CTNNA2: variants seen among roughly 807,000 people sequenced by gnomAD.
The protein encoded by CTNNA2 is catenin alpha-2.
CTNNA2 carries 42 observed loss-of-function variants against 101.0 expected under a neutral mutation model. The observed-to-expected ratio is 0.42, with a 90% CI of 0.32 to 0.54. CTNNA2 has a LOEUF of 0.54. CTNNA2 is among the 20% of genes least tolerant of loss of function. The pLI is 0.14. For synonymous variants in CTNNA2, 450 were observed against 456.4 expected (o/e 0.99, Z 0.18); for missense variants, 871 against 1,223.1 (o/e 0.71, Z 4.29).
At chr2:79,759,796 C>T (rs980502261) in intron 3 of CTNNA2, among the ~76,000 whole-genome samples, 1 of 152,172 alleles carries the variant, frequency 6.6e-6, no homozygotes, top group African/African-American at 2.4e-5. Context: ...CTTCTGGGCC[C>T]AAGCCATAGA....
chr2:80,187,648 T>C (rs1706216815), intron 7 of CTNNA2, among the ~76,000 whole-genome samples: 1 of 152,036 alleles, frequency 6.6e-6, no homozygotes, highest in Non-Finnish European at 1.5e-5. Flanking sequence ...GGGCAGAGAA[T>C]AGGCAGAAAA....
At chr2:80,394,799 T>C (rs1305843305) in intron 8 of CTNNA2, among the ~76,000 whole-genome samples, 2 of 151,914 alleles carry the variant, frequency 1.3e-5, no homozygotes, top group African/African-American at 2.4e-5. Flanking sequence ...ATTGTGTGAG[T>C]CTAAGGGATA....
intron 1 of CTNNA2, among the ~76,000 whole-genome samples, chr2:79,592,379 G>A (rs557463013): frequency 3.3e-5 from 5 of 151,792 alleles, no homozygotes; most frequent in Non-Finnish European, 5.9e-5. Flanking sequence ...TGATCCACCC[G>A]CCTTGGCCTC....
intron 7 of CTNNA2, among the ~76,000 whole-genome samples, chr2:80,016,574 A>G (rs1694166941): frequency 6.6e-6 from 1 of 152,252 alleles, no homozygotes; most frequent in South Asian, 2.1e-4. Flanking sequence ...ACCATGAGGA[A>G]TAAATACAGA....
intron 2 of CTNNA2, among the ~76,000 whole-genome samples, chr2:79,676,883 G>T (rs1388748511): frequency 6.6e-6 from 1 of 152,114 alleles, no homozygotes; most frequent in African/African-American, 2.4e-5. Context: ...CTAGAGCTTT[G>T]CTTAGAAAAG....
rs141890285 is a variant in CTNNA2 at position 79,309,289 on chromosome 2, C to A, written c.-405-3420C>A. 1.8e-4 allele frequency among the ~76,000 whole-genome samples: 27 copies of A among 152,220 alleles called. 1 individual carries two copies. In the East Asian group the frequency reaches 5.2e-3, roughly 29 times the overall value. On this transcript the variant is annotated intron_variant, in intron 2 of 21. Coordinates refer to the CTNNA2 transcript ENST00000466387. ...GAGTTGTACTACATATTTGGATTAACTTGGGAAGAACTGATAGATTTTTAA... is the reference window on the plus strand; with the variant it reads ...GAGTTGTACTACATATTTGGATTAAATTGGGAAGAACTGATAGATTTTTAA...
At chr2:80,646,050 A>G (rs945224812) in intron 18 of CTNNA2, among the ~76,000 whole-genome samples, 3 of 152,156 alleles carry the variant, frequency 2.0e-5, no homozygotes, top group African/African-American at 7.2e-5. Flanking sequence ...GAACAGTATC[A>G]CAGTTGTGTT....
chr2:79,671,929 C>G (rs13384134), intron 2 of CTNNA2, among the ~76,000 whole-genome samples: 1 of 151,918 alleles, frequency 6.6e-6, no homozygotes, highest in East Asian at 1.9e-4. Flanking sequence ...ACATGTATAG[C>G]GGAACATAAA....
At chr2:79,194,357 G>T (rs977751439) in intron 1 of CTNNA2, among the ~76,000 whole-genome samples, 1 of 152,148 alleles carries the variant, frequency 6.6e-6, no homozygotes, top group Non-Finnish European at 1.5e-5. Context: ...GGAGTCAGTT[G>T]ACTGGAAGAG....
intron 4 of CTNNA2, among the ~76,000 whole-genome samples, chr2:79,412,409 C>T (rs1382705136): frequency 6.6e-6 from 1 of 152,022 alleles, no homozygotes; most frequent in Non-Finnish European, 1.5e-5. Context: ...TAGACATCTA[C>T]AGAACTCTCC....
chr2:79,618,008 T>G (rs186142715), intron 1 of CTNNA2, among the ~76,000 whole-genome samples: 6 of 152,006 alleles, frequency 3.9e-5, no homozygotes, highest in African/African-American at 1.5e-4. Flanking sequence ...CTCCCTCATA[T>G]CTCTTTGATC....
rs1453873394 is a variant in CTNNA2 at position 80,648,094 on chromosome 2, C to T, written c.*222C>T. On this transcript the variant is annotated 3_prime_UTR_variant, in exon 19 of 19. Transcript: ENST00000402739. ...ATTCCTGTACTAAGGTGGCACAGAG[C>T]TGTCCTTTGCAACATTCTCATAAAA... The T allele has an allele frequency of 5.3e-6, 2 of 378,278 alleles. No homozygotes were observed. The highest frequency in any genetic ancestry group is 9.5e-6 in the Non-Finnish European group (2 of 211,368). The allele number at this position is 378,278 out of a possible 1,614,324, so 23.4% of individuals were successfully genotyped here.
At position 80,302,426 on chromosome 2, in the gene CTNNA2, A is replaced by C. The variant is rs148119501; in HGVS notation, c.1057-90785A>C. 3,167 of 1,614,242 alleles carry C rather than the reference A, an allele frequency of 2.0e-3. 4 individuals are homozygous for C. Among genetic ancestry groups the C allele is most frequent in the Non-Finnish European group, 2.5e-3 (2,993 of 1,180,048 alleles). On this transcript the variant is annotated intron_variant, in intron 7 of 18. Transcript: ENST00000402739. The surrounding 1 kb of genome is among the most constrained non-coding windows in gnomAD (Gnocchi z 6.4). ...CTGCTTTTGCTTCCTGCGCTGCGTG[A>C]CAAAGCACTGTCTGAGCTGCCTGAG...
At position 80,017,572 on chromosome 2, in the gene CTNNA2, T is replaced by C. The variant is rs141126853; in HGVS notation, c.1056+107775T>C. 9.1e-4 allele frequency among the ~76,000 whole-genome samples: 138 copies of C among 152,186 alleles called. 3 individuals carry two copies. The East Asian group carries it at 0.025, about 28-fold the overall frequency. ...TAGCTTTAAAAAGTACTGATGCCTATGTCCCGCCCCCAGATAATCTTATTT... is the reference window on the plus strand; with the variant it reads ...TAGCTTTAAAAAGTACTGATGCCTACGTCCCGCCCCCAGATAATCTTATTT... On this transcript the variant is annotated intron_variant, in intron 7 of 18. Coordinates refer to ENST00000402739, the MANE Select transcript of CTNNA2 (RefSeq NM_001282597.3).
intron 7 of CTNNA2, among the ~76,000 whole-genome samples, chr2:80,384,750 G>A (rs2149354321): frequency 6.6e-6 from 1 of 152,030 alleles, no homozygotes; most frequent in South Asian, 2.1e-4. Flanking sequence ...TTTGTGCTGG[G>A]GAAAACCCTG....
At chr2:80,217,526 C>T (rs538978264) in intron 7 of CTNNA2, among the ~76,000 whole-genome samples, 67 of 152,176 alleles carry the variant, frequency 4.4e-4, no homozygotes, top group Non-Finnish European at 5.9e-4. Flanking sequence ...CATTGAGTGA[C>T]ACTGAAAGCC....
intron 7 of CTNNA2, among the ~76,000 whole-genome samples, chr2:80,116,390 AAAAAG>A (rs1701523534): frequency 6.6e-6 from 1 of 152,040 alleles, no homozygotes; most frequent in African/African-American, 2.4e-5. Flanking sequence ...AAAAAAAAAA[AAAAAG>A]AACGACACAA....
intron 3 of CTNNA2, among the ~76,000 whole-genome samples, chr2:79,367,065 G>C (rs1236700320): frequency 1.3e-5 from 2 of 152,124 alleles, no homozygotes; most frequent in Admixed American, 1.3e-4. Context: ...GTTACATTAG[G>C]TCATAAGGGT....
At chr2:79,379,786 C>G (rs185990309) in intron 4 of CTNNA2, among the ~76,000 whole-genome samples, 1 of 151,908 alleles carries the variant, frequency 6.6e-6, no homozygotes, top group African/African-American at 2.4e-5. Flanking sequence ...ATCCCAGATT[C>G]GTATTCAAAA....
Sources: gnomAD v4.1 joint callset for allele counts (sites outside exome capture counted in the v4.1 genomes callset) on GRCh38, gnomAD v4.1.1 for gene constraint, Gnocchi (gnomAD v3.1) non-coding constraint, MANE v1.5 for transcripts, NCBI Gene and HGNC (gene_info 2026-07-23, HGNC 2026-07-21) for gene names.